Variants in DACH1 observed in about 807,000 individuals in gnomAD.
DACH1 encodes the protein dachshund homolog 1.
A neutral mutation model predicts 54.2 loss-of-function variants in DACH1; 12 were observed. The observed-to-expected ratio is 0.22, with a 90% CI of 0.14 to 0.36. The LOEUF (loss-of-function observed/expected upper bound fraction) is 0.36. Ranked by LOEUF, DACH1 falls within the 10% of genes least tolerant of loss-of-function variation. The pLI is 1.00. For missense variants in DACH1, 805 were observed against 929.8 expected, an observed-to-expected ratio of 0.87 and a Z score of 1.75; for synonymous variants, 386 against 366.2, an observed-to-expected ratio of 1.05 and a Z score of -0.62.
At chr13:71,525,260 TC>T (rs1158617413) in intron 6 of DACH1, among the ~76,000 whole-genome samples, 1 of 152,058 alleles carries the variant, frequency 6.6e-6, no homozygotes, top group Non-Finnish European at 1.5e-5. Context: ...TATTAAACAA[TC>T]CCAGCTGTAT....
At chr13:71,450,485 TTGGGGC>T (rs1874939163) in intron 10 of DACH1, among the ~76,000 whole-genome samples, 1 of 152,136 alleles carries the variant, frequency 6.6e-6, no homozygotes, top group Non-Finnish European at 1.5e-5. Flanking sequence ...CTCCCATTCC[TTGGGGC>T]TCCCTATTCC....
chr13:71,527,004 G>A (rs1882015769), intron 6 of DACH1, among the ~76,000 whole-genome samples: 2 of 151,518 alleles, frequency 1.3e-5, no homozygotes, highest in South Asian at 4.2e-4. Flanking sequence ...TCTTTAAGAG[G>A]TATTAAAAAC....
At chr13:71,748,974 CTTTCT>C (rs1884800678) in intron 1 of DACH1, among the ~76,000 whole-genome samples, 1 of 110,826 alleles carries the variant, frequency 9.0e-6, no homozygotes, top group African/African-American at 3.0e-5. Context: ...CTCTCTCTCT[CTTTCT>C]TCTTTCCTTT....
chr13:71,573,832 C>T (rs1004436485), intron 3 of DACH1, among the ~76,000 whole-genome samples: 1 of 152,068 alleles, frequency 6.6e-6, no homozygotes. Context: ...TACTGTTCGG[C>T]TATCCAGCTT....
At chr13:71,663,267 C>T (rs1272883166) in intron 2 of DACH1, among the ~76,000 whole-genome samples, 1 of 151,476 alleles carries the variant, frequency 6.6e-6, no homozygotes, top group African/African-American at 2.4e-5. Flanking sequence ...TAACATCAAT[C>T]AGTTATCTTT....
intron 1 of DACH1, among the ~76,000 whole-genome samples, chr13:71,715,329 C>T (rs570617683): frequency 6.6e-6 from 1 of 152,018 alleles, no homozygotes; most frequent in African/African-American, 2.4e-5. Context: ...TCAAGAAGTG[C>T]TATAGCCAAT....
At chr13:71,502,342 T>G (rs777444504) in intron 6 of DACH1, among the ~76,000 whole-genome samples, 2 of 152,192 alleles carry the variant, frequency 1.3e-5, no homozygotes, top group Admixed American at 6.6e-5. Context: ...CAGATGAGAC[T>G]AGAAAATTCT....
intron 2 of DACH1, among the ~76,000 whole-genome samples, chr13:71,665,704 AT>A (rs1879787558): frequency 6.6e-6 from 1 of 152,040 alleles, no homozygotes; most frequent in Non-Finnish European, 1.5e-5. Flanking sequence ...TCATCTAACA[AT>A]TTTTTATCAA....
At chr13:71,707,829 G>T (rs1013007864) in intron 1 of DACH1, among the ~76,000 whole-genome samples, 7 of 152,166 alleles carry the variant, frequency 4.6e-5, no homozygotes, top group Middle Eastern at 3.4e-3. Flanking sequence ...AAAATAACAG[G>T]CTGTAGGAGA....
intron 1 of DACH1, among the ~76,000 whole-genome samples, chr13:71,777,142 TAAAATGGTAA>T (rs766658029): frequency 1.3e-5 from 2 of 152,278 alleles, no homozygotes; most frequent in East Asian, 1.9e-4. Flanking sequence ...ATGAGTTCCT[TAAAATGGTAA>T]AGGGGAGCTC....
chr13:71,709,044 G>C (rs1423664303), intron 1 of DACH1, among the ~76,000 whole-genome samples: 2 of 151,560 alleles, frequency 1.3e-5, no homozygotes, highest in South Asian at 4.2e-4. Flanking sequence ...TAGTAGAGAC[G>C]GGGTTTCACC....
rs569342658 is a variant in DACH1 at position 71,632,134 on chromosome 13, C to CA, written c.965-1418dup. ...AAGAAAAGGAAAGAAAAGAAAAAGA[C>CA]AAAAAAAAAGAAAAGAAACAGAGTT... is the stretch of plus-strand genomic sequence containing the variant. On this transcript the variant is annotated intron_variant, in intron 2 of 10. Transcript: ENST00000613252. Among the ~76,000 whole-genome samples the CA allele has an allele frequency of 9.2e-4, 135 of 147,522 alleles. 2 individuals carry two copies. In the South Asian group the frequency reaches 0.02, roughly 22 times the overall value.
At chr13:71,736,919 A>C (rs1884153177) in intron 1 of DACH1, among the ~76,000 whole-genome samples, 1 of 152,218 alleles carries the variant, frequency 6.6e-6, no homozygotes, top group South Asian at 2.1e-4. Flanking sequence ...TCTTTATGGA[A>C]AACCATAACA....
chr13:71,829,305 A>G (rs2138202435), intron 1 of DACH1, among the ~76,000 whole-genome samples: 2 of 152,038 alleles, frequency 1.3e-5, no homozygotes, highest in East Asian at 3.9e-4. Context: ...ATGCAAATAA[A>G]TAAAATCCTG....
chr13:71,763,635 C>T (rs1885493873), intron 1 of DACH1, among the ~76,000 whole-genome samples: 1 of 151,992 alleles, frequency 6.6e-6, no homozygotes, highest in African/African-American at 2.4e-5. Flanking sequence ...GTAGCTAAGA[C>T]TACAGGTGCA....
At chr13:71,650,001 G>C (rs967855916) in intron 2 of DACH1, among the ~76,000 whole-genome samples, 1 of 152,144 alleles carries the variant, frequency 6.6e-6, no homozygotes, top group African/African-American at 2.4e-5. Flanking sequence ...TCCCCTGGAA[G>C]GCCAAGCACT....
chr13:71,767,302 C>T (rs1300285468), intron 1 of DACH1, among the ~76,000 whole-genome samples: 1 of 151,794 alleles, frequency 6.6e-6, no homozygotes, highest in Non-Finnish European at 1.5e-5. Context: ...ATCTAAAAAT[C>T]TTGTGTTTCT....
At chr13:71,695,052 C>A (rs565483072) in intron 1 of DACH1, among the ~76,000 whole-genome samples, 131 of 152,226 alleles carry the variant, frequency 8.6e-4, no homozygotes, top group African/African-American at 3.0e-3. Flanking sequence ...CTTGATTAAA[C>A]CTGTAACTAA....
At chr13:71,580,484 A>G (rs1872754379) in intron 3 of DACH1, among the ~76,000 whole-genome samples, 1 of 152,204 alleles carries the variant, frequency 6.6e-6, no homozygotes, top group African/African-American at 2.4e-5. Flanking sequence ...GCTCATGTAC[A>G]AATGTTGCCC....
Sources: allele counts gnomAD v4.1 joint callset (sites outside exome capture counted in the v4.1 genomes callset), GRCh38; gene constraint gnomAD v4.1.1; transcripts MANE v1.5; gene names NCBI Gene and HGNC (gene_info 2026-07-23, HGNC 2026-07-21).